Variants in NCOR2 observed in about 807,000 individuals in gnomAD.
The protein encoded by NCOR2 is nuclear receptor corepressor 2.
A neutral mutation model predicts 262.9 loss-of-function variants in NCOR2; 81 were observed. That is an observed-to-expected ratio of 0.31 (90% CI 0.26 to 0.37). NCOR2 has a LOEUF of 0.37. Ranked by LOEUF, NCOR2 falls within the 10% of genes least tolerant of loss-of-function variation. The pLI is 1.00. For missense variants in NCOR2, 3,385 were observed against 3,621.4 expected (o/e 0.93, Z 1.68); for synonymous variants, 1,659 against 1,559.3 (o/e 1.06, Z -1.51).
At chr12:124,493,389 A>G (rs2136890725) in intron 1 of NCOR2, among the ~76,000 whole-genome samples, 1 of 152,358 alleles carries the variant, frequency 6.6e-6, no homozygotes, top group Middle Eastern at 3.4e-3. Flanking sequence ...CAGCAAACGG[A>G]CAGAGCGGGC....
At chr12:124,347,947 T>C (rs2135868421) in intron 29 of NCOR2, 36 bp from the exon 32 acceptor site, 2 of 1,544,176 alleles carry the variant, frequency 1.3e-6, no homozygotes, top group Non-Finnish European at 1.8e-6. Context: ...ATTCCGTGGC[T>C]CCCTGAGCCG....
chr12:124,370,077 A>G (rs2039368771), intron 20 of NCOR2, among the ~76,000 whole-genome samples: 1 of 152,172 alleles, frequency 6.6e-6, no homozygotes. Context: ...AGCCAGCAGG[A>G]GCGGGGCGGG....
intron 6 of NCOR2, among the ~76,000 whole-genome samples, chr12:124,453,618 C>T (rs2045676744): frequency 6.6e-6 from 1 of 152,224 alleles, no homozygotes; most frequent in Admixed American, 6.5e-5. Context: ...CAGGAAGAGC[C>T]AGAGTCCCAG....
chr12:124,362,113 G>T lies in NCOR2; in HGVS notation c.3100+13C>A. 7.7e-7 allele frequency: 1 copy of T among 1,293,592 alleles called. No individual in the cohort carries two copies. The highest frequency in any genetic ancestry group is 3.0e-5 in the Admixed American group (1 of 33,022). 80.1% of individuals were successfully genotyped at this position (1,293,592 alleles called of 1,614,324 possible). ...GCTGCCCCAGCCCCACTCAGCCACT[G>T]GTGTGCACTCACCCTCCTTGTCGGC... On this transcript the variant is annotated intron_variant, in intron 22 of 46. Coordinates refer to ENST00000405201, the Ensembl canonical transcript of NCOR2.
intron 22 of NCOR2, among the ~76,000 whole-genome samples, chr12:124,358,183 T>C (rs1374188758): frequency 1.4e-5 from 2 of 143,212 alleles, no homozygotes; most frequent in Admixed American, 6.9e-5. Context: ...TTGAAGGAGA[T>C]AACCTGTGAT....
chr12:124,508,063 C>T (rs897504037), intron 1 of NCOR2, among the ~76,000 whole-genome samples: 1 of 152,224 alleles, frequency 6.6e-6, no homozygotes, highest in African/African-American at 2.4e-5. Context: ...GCTGTGCCAG[C>T]AGCAGCGTCC....
intron 1 of NCOR2, among the ~76,000 whole-genome samples, chr12:124,519,332 G>C (rs1042537334): frequency 6.6e-6 from 1 of 152,198 alleles, no homozygotes; most frequent in African/African-American, 2.4e-5. Context: ...CCAGGAGGCA[G>C]AGGAGGCTCC....
intron 6 of NCOR2, among the ~76,000 whole-genome samples, chr12:124,451,531 C>A (rs1253520070): frequency 1.3e-5 from 2 of 152,036 alleles, no homozygotes; most frequent in Non-Finnish European, 2.9e-5. Flanking sequence ...GAGTCTGCTC[C>A]CCTCTCTGCC....
At position 124,347,902 on chromosome 12, in the gene NCOR2, C is replaced by T. The variant is rs1281085672; in HGVS notation, c.3995G>A (p.Gly1332Asp). The T allele has an allele frequency of 1.2e-5, 19 of 1,561,264 alleles. No individual in the cohort carries two copies. The highest frequency in any genetic ancestry group is 9.6e-5 in the Admixed American group (5 of 52,066). ...GTGTCGCTCCGGCGGGATGGCACGG[C>T]CCATGAGACCTGGGTAGGAGAGGGT... Residue 1332 changes from glycine (G) to aspartate (D), a missense_variant, in exon 30 of 47, where the codon GGC becomes GAC. By Grantham distance (94) the Gly-to-Asp change is moderately conservative (BLOSUM62 -1). Coordinates refer to ENST00000405201, the Ensembl canonical transcript of NCOR2.
At chr12:124,456,216 G>A (rs73225435) in intron 6 of NCOR2, among the ~76,000 whole-genome samples, 5,248 of 152,272 alleles carry the variant, frequency 0.034, 104 homozygotes, top group Middle Eastern at 0.058. Flanking sequence ...GCACTCACAC[G>A]CACACCCTAG....
intron 8 of NCOR2, among the ~76,000 whole-genome samples, chr12:124,433,099 C>T (rs1649502017): frequency 6.6e-6 from 1 of 152,206 alleles, no homozygotes; most frequent in South Asian, 2.1e-4. Context: ...GCCCTCCATC[C>T]TCGACAGCCC....
chr12:124,556,879 G>A (rs569851459), intron 1 of NCOR2, among the ~76,000 whole-genome samples: 2 of 152,062 alleles, frequency 1.3e-5, no homozygotes, highest in South Asian at 4.1e-4. Flanking sequence ...CGAGAAAAAT[G>A]GCAAAGGAAT....
Position 124,531,320 on chromosome 12 carries a change from C to G in NCOR2, c.-118+4245G>C, listed in dbSNP as rs540550822. On this transcript the variant is annotated intron_variant, in intron 1 of 46. Coordinates refer to the NCOR2 transcript ENST00000404621. The surrounding 1 kb of genome is among the most constrained non-coding windows in gnomAD (Gnocchi z 4.5). Reference sequence around the variant, plus strand: ...GCCTGTCCAGGGCTCCTGCTCCCCTCTGAGTGATGGCAGGGCAGGCGCCTG... The same window carrying G: ...GCCTGTCCAGGGCTCCTGCTCCCCTGTGAGTGATGGCAGGGCAGGCGCCTG... 2.8e-3 allele frequency among the ~76,000 whole-genome samples: 432 copies of G among 152,342 alleles called. 2 individuals carry two copies. Among genetic ancestry groups the G allele is most frequent in the African/African-American group, 0.01 (424 of 41,590 alleles).
intron 16 of NCOR2, among the ~76,000 whole-genome samples, chr12:124,396,386 C>T (rs992925726): frequency 6.6e-6 from 1 of 152,230 alleles, no homozygotes; most frequent in African/African-American, 2.4e-5. Context: ...GGGAATCACA[C>T]AATTTCAATA....
chr12:124,429,342 C>G, intron 10 of NCOR2: 2 of 497,058 alleles, frequency 4.0e-6, no homozygotes, highest in Non-Finnish European at 3.6e-6. Context: ...AACCCCCTCC[C>G]TGTTGTGGCA....
In NCOR2 at chr12:124,481,023, G is replaced by A. The variant is rs1379516758; in HGVS notation, c.411+2573C>T. ...GATGGGCTGGGTGGCGCTGGGTGGT[G>A]GCTGGGAGTGGCTCTGTGGTAGGGA... On this transcript the variant is annotated intron_variant, in intron 3 of 46. Coordinates refer to ENST00000405201, the Ensembl canonical transcript of NCOR2. This position sits in a 1 kb window ranked among gnomAD's most constrained non-coding sequence, Gnocchi z 4.6. Among the ~76,000 whole-genome samples, 2 of 151,990 alleles carry A rather than the reference G, an allele frequency of 1.3e-5. No individual in the cohort carries two copies. Among genetic ancestry groups the A allele is most frequent in the Non-Finnish European group, 2.9e-5 (2 of 67,984 alleles).
At chr12:124,417,839 T>C (rs1397969860) in intron 13 of NCOR2, among the ~76,000 whole-genome samples, 8 of 152,114 alleles carry the variant, frequency 5.3e-5, no homozygotes, top group South Asian at 2.1e-4. Context: ...GGCAGGTGGA[T>C]CATCTAGGTC....
At chr12:124,420,133 G>C in intron 12 of NCOR2, 78 bp from the exon 15 acceptor site, 1 of 1,228,768 alleles carries the variant, frequency 8.1e-7, no homozygotes, top group Non-Finnish European at 1.2e-6. Context: ...TCACATCCTG[G>C]GCTCATATCC....
At chr12:124,358,479 A>G (rs1244073) in intron 22 of NCOR2, among the ~76,000 whole-genome samples, 144,627 of 152,222 alleles carry the variant, frequency 0.95, 69,089 homozygotes, top group East Asian at 1. Context: ...AGACCCTCCA[A>G]GTAACAACCA....
Sources: allele counts gnomAD v4.1 joint callset (sites outside exome capture counted in the v4.1 genomes callset), GRCh38; gene constraint gnomAD v4.1.1; non-coding constraint Gnocchi (gnomAD v3.1); transcripts MANE v1.5; gene names NCBI Gene and HGNC (gene_info 2026-07-23, HGNC 2026-07-21).